TRAPPC9: variants seen among roughly 807,000 people sequenced by gnomAD.
The protein encoded by TRAPPC9 is IKK2 binding protein.
TRAPPC9 carries 83 observed loss-of-function variants against 124.0 expected under a neutral mutation model. That is an observed-to-expected ratio of 0.67 (90% CI 0.56 to 0.80). TRAPPC9 has a LOEUF of 0.80. Ranked by LOEUF, TRAPPC9 falls within the 30% of genes least tolerant of loss-of-function variation. TRAPPC9 has a pLI of 0.00. For synonymous variants in TRAPPC9, 638 were observed against 617.5 expected (o/e 1.03, Z -0.49); for missense variants, 1,302 against 1,508.3 (o/e 0.86, Z 2.27).
intron 21 of TRAPPC9, among the ~76,000 whole-genome samples, chr8:139,783,522 G>A (rs1001263751): frequency 6.6e-6 from 1 of 152,132 alleles, no homozygotes. Context: ...TACAAAAGAA[G>A]TTGAATTCAT....
intron 21 of TRAPPC9, among the ~76,000 whole-genome samples, chr8:139,831,430 C>T (rs962171996): frequency 2.6e-5 from 4 of 152,194 alleles, no homozygotes; most frequent in South Asian, 4.1e-4. Flanking sequence ...ACTCTTCCCA[C>T]GCACTCACAT....
chr8:139,793,423 G>A (rs1822834378), intron 21 of TRAPPC9, among the ~76,000 whole-genome samples: 1 of 152,124 alleles, frequency 6.6e-6, no homozygotes, highest in South Asian at 2.1e-4. Context: ...CTCCACCCCA[G>A]CAGCATTTCT....
chr8:139,728,328 C>T lies in TRAPPC9; in HGVS notation c.*2733G>A, dbSNP rs1817653654. The stretch of plus-strand genomic sequence containing the variant: ...AGAAGGGCAGAACCAACTCGCTCAG[C>T]TAGTGAAGTGCAATGGACATGATCT... On this transcript the variant is annotated 3_prime_UTR_variant, in exon 23 of 23. Coordinates refer to ENST00000438773, the MANE Select transcript of TRAPPC9 (RefSeq NM_001160372.4). Among the ~76,000 whole-genome samples the T allele has an allele frequency of 6.6e-6, 1 of 152,216 alleles. No homozygotes were observed. The highest frequency in any genetic ancestry group is 2.4e-5 in the African/African-American group (1 of 41,446).
intron 16 of TRAPPC9, among the ~76,000 whole-genome samples, chr8:140,222,626 C>G (rs1252152446): frequency 6.6e-6 from 1 of 152,216 alleles, no homozygotes; most frequent in African/African-American, 2.4e-5. Flanking sequence ...TCCAAGGCCT[C>G]TGCATGATAC....
intron 18 of TRAPPC9, among the ~76,000 whole-genome samples, chr8:140,018,340 T>TTTTTTTTTTTTTTTTC (rs1292894770): frequency 8.7e-6 from 1 of 114,934 alleles, no homozygotes. Context: ...TTTTTTTTTT[T>TTTTTTTTTTTTTTTTC]TGAGACGGAG....
intron 21 of TRAPPC9, among the ~76,000 whole-genome samples, chr8:139,747,861 A>C (rs1819029497): frequency 1.7e-5 from 1 of 58,902 alleles, no homozygotes; most frequent in Admixed American, 1.8e-4. Flanking sequence ...CAGGGATCAG[A>C]GAAGATGCAG....
chr8:140,234,357 C>T (rs2063680066), intron 16 of TRAPPC9, among the ~76,000 whole-genome samples: 1 of 152,206 alleles, frequency 6.6e-6, no homozygotes, highest in Non-Finnish European at 1.5e-5. Flanking sequence ...TCTCAAGTGA[C>T]CAAGGCCACA....
chr8:140,458,417 G>GC (rs1333280284), upstream of TRAPPC9: 2 of 1,587,482 alleles, frequency 1.3e-6, no homozygotes, highest in African/African-American at 2.8e-5. Flanking sequence ...CCACGGTCGT[G>GC]CCCCCCACGT....
intron 19 of TRAPPC9, among the ~76,000 whole-genome samples, chr8:139,939,634 C>T (rs1833776753): frequency 6.6e-6 from 1 of 152,214 alleles, no homozygotes; most frequent in South Asian, 2.1e-4. Flanking sequence ...AGCCCCGTGT[C>T]CCAGGCCACC....
At chr8:139,760,900 C>T (rs980302667) in intron 21 of TRAPPC9, among the ~76,000 whole-genome samples, 4 of 152,196 alleles carry the variant, frequency 2.6e-5, no homozygotes, top group African/African-American at 9.7e-5. Context: ...ATTACCGGAG[C>T]TACAAAATGA....
chr8:139,997,505 A>G (rs1411735017), intron 18 of TRAPPC9, among the ~76,000 whole-genome samples: 2 of 150,572 alleles, frequency 1.3e-5, no homozygotes, highest in African/African-American at 4.9e-5. Flanking sequence ...CAGGGGAGAC[A>G]ATGCATTCTA....
At chr8:139,939,231 G>C (rs1010838427) in intron 19 of TRAPPC9, among the ~76,000 whole-genome samples, 1 of 152,232 alleles carries the variant, frequency 6.6e-6, no homozygotes, top group African/African-American at 2.4e-5. Flanking sequence ...AGAGTCCAAG[G>C]AAGGTCCTGG....
At chr8:139,914,369 C>T (rs758870711) in intron 19 of TRAPPC9, among the ~76,000 whole-genome samples, 6 of 152,326 alleles carry the variant, frequency 3.9e-5, no homozygotes, top group Non-Finnish European at 5.9e-5. Context: ...CCGAGGGGCA[C>T]GAAGCTGAGA....
At chr8:140,203,212 T>C (rs537735158) in intron 17 of TRAPPC9, among the ~76,000 whole-genome samples, 3 of 152,240 alleles carry the variant, frequency 2.0e-5, no homozygotes, top group African/African-American at 4.8e-5. Context: ...AGACACAAAA[T>C]AGTATTTATA....
rs138429798 is a variant in TRAPPC9, at chr8:139,988,807, A to G, written c.2729T>C (p.Val910Ala). The G allele has an allele frequency of 7.1e-6, 11 of 1,551,544 alleles. No homozygotes were observed. In the African/African-American group the frequency reaches 1.5e-4, roughly 21 times the overall value. The change falls in exon 19 of 23, where the codon GTC becomes GCC. Residue 910 changes from valine (V) to alanine (A), a missense_variant. Coordinates refer to ENST00000438773, the MANE Select transcript of TRAPPC9 (RefSeq NM_001160372.4). Reference protein sequence around the residue: ...STRQCHLLLDVFNSTEHELTV... With the variant: ...STRQCHLLLDAFNSTEHELTV... ...CAGCTCATGCTCGGTGGAGTTGAAG[A>G]CATCCAGGAGCAGGTGACACTGCCG...
intron 2 of TRAPPC9, among the ~76,000 whole-genome samples, chr8:140,439,760 TC>T (rs2070942578): frequency 6.6e-6 from 1 of 152,138 alleles, no homozygotes; most frequent in Non-Finnish European, 1.5e-5. Context: ...GGCTTCTGAG[TC>T]CCTAATCAAC....
chr8:139,988,645 G>A (rs1837416594), intron 19 of TRAPPC9, 81 bp downstream of exon 19: 1 of 939,740 alleles, frequency 1.1e-6, no homozygotes, highest in Non-Finnish European at 1.7e-6. Flanking sequence ...ACTTGGGGTG[G>A]ATTATCTCCA....
At chr8:139,785,734 AAAG>A (rs1822187215) in intron 21 of TRAPPC9, among the ~76,000 whole-genome samples, 1 of 152,068 alleles carries the variant, frequency 6.6e-6, no homozygotes, top group Non-Finnish European at 1.5e-5. Context: ...ATCTAAAAAA[AAAG>A]AAGAAAAAAA....
chr8:140,357,105 C>T (rs1478521283), intron 9 of TRAPPC9, among the ~76,000 whole-genome samples: 1 of 152,158 alleles, frequency 6.6e-6, no homozygotes, highest in African/African-American at 2.4e-5. Context: ...GGGAGACAAG[C>T]ATGGACCAAC....
Sources: allele counts gnomAD v4.1 joint callset (sites outside exome capture counted in the v4.1 genomes callset), GRCh38; gene constraint gnomAD v4.1.1; transcripts MANE v1.5; gene names NCBI Gene and HGNC (gene_info 2026-07-23, HGNC 2026-07-21).